The following MAF variants were observed in gnomAD, a reference collection of about 807,000 sequenced individuals.
The protein encoded by MAF is MAF bZIP transcription factor.
In MAF, 10 loss-of-function variants were observed where a neutral mutation model predicts 22.0. The observed-to-expected ratio is 0.45, with a 90% confidence interval of 0.28 to 0.77. The LOEUF (loss-of-function observed/expected upper bound fraction) is 0.77. Among genes scored for constraint, MAF ranks in the 30% least tolerant of loss-of-function variants. The probability of loss-of-function intolerance (pLI) is 0.12; values close to 1 mark genes in which losing one functional copy is unlikely to be tolerated. For missense variants in MAF, 544 were observed against 548.4 expected (o/e 0.99, Z 0.08); for synonymous variants, 337 against 255.8 (o/e 1.32, Z -3.03).
the MAF span, among the ~76,000 whole-genome samples, chr16:79,233,583 G>C: frequency 3.9e-5 from 6 of 152,212 alleles, no homozygotes; most frequent in Non-Finnish European, 7.4e-5. Context: ...CAAGTACTGT[G>C]GGAACAGAGA....
the MAF span, among the ~76,000 whole-genome samples, chr16:79,558,243 A>G: frequency 1.3e-5 from 2 of 152,088 alleles, no homozygotes; most frequent in Non-Finnish European, 2.9e-5. Context: ...TTTATACTTG[A>G]GCTATGCCAT....
chr16:79,277,906 G>A, the MAF span, among the ~76,000 whole-genome samples: 25 of 152,156 alleles, frequency 1.6e-4, 1 homozygote, highest in African/African-American at 4.6e-4. Flanking sequence ...CACTACACTT[G>A]GGAATTGGCT....
chr16:79,284,036 C>G, the MAF span, among the ~76,000 whole-genome samples: 1 of 148,448 alleles, frequency 6.7e-6, no homozygotes, highest in African/African-American at 2.5e-5. Flanking sequence ...CCTTTTAGCA[C>G]AAATTTACAC....
At chr16:79,511,678 T>C in the MAF span, among the ~76,000 whole-genome samples, 3 of 152,194 alleles carry the variant, frequency 2.0e-5, no homozygotes, top group African/African-American at 7.2e-5. Flanking sequence ...TATTGAGTGC[T>C]CACCAATCGG....
chr16:79,454,927 T>C, the MAF span, among the ~76,000 whole-genome samples: 48 of 152,014 alleles, frequency 3.2e-4, no homozygotes, highest in South Asian at 9.8e-3. Flanking sequence ...AGAAACCCCA[T>C]CTTTACTAAA....
At chr16:79,479,618 C>G in the MAF span, among the ~76,000 whole-genome samples, 1,040 of 152,320 alleles carry the variant, frequency 6.8e-3, 14 homozygotes, top group African/African-American at 0.024. Flanking sequence ...TTGCCTGTAT[C>G]TGAAGGGTAA....
At chr16:79,554,025 T>G in the MAF span, among the ~76,000 whole-genome samples, 3 of 151,572 alleles carry the variant, frequency 2.0e-5, no homozygotes, top group East Asian at 5.8e-4. Context: ...GGAGGCAGAG[T>G]TTGCAGTGAG....
chr16:79,212,662 A>G, the MAF span: 54 of 148,616 alleles, frequency 3.6e-4, no homozygotes, highest in Non-Finnish European at 7.2e-4. Flanking sequence ...ACATGCTTGA[A>G]TATCATCACC....
At chr16:79,248,705 T>G in the MAF span, among the ~76,000 whole-genome samples, 2 of 152,144 alleles carry the variant, frequency 1.3e-5, 1 homozygote, top group Admixed American at 1.3e-4. Flanking sequence ...ATTTTAGCTC[T>G]GGGAACATGG....
the MAF span, among the ~76,000 whole-genome samples, chr16:79,409,794 C>T: frequency 6.6e-6 from 1 of 152,208 alleles, no homozygotes; most frequent in Non-Finnish European, 1.5e-5. Flanking sequence ...CAGTGCTGTT[C>T]AGTGGATCTT....
chr16:79,239,588 G>T, the MAF span, among the ~76,000 whole-genome samples: 1 of 151,984 alleles, frequency 6.6e-6, no homozygotes, highest in Non-Finnish European at 1.5e-5. Context: ...GGCATTTCTG[G>T]ACCATTTTGC....
chr16:79,217,539 C>T, the MAF span, among the ~76,000 whole-genome samples: 1 of 152,202 alleles, frequency 6.6e-6, no homozygotes, highest in African/African-American at 2.4e-5. Flanking sequence ...TCAATAGGCC[C>T]TCTCTCCTGT....
chr16:79,444,283 G>C, the MAF span, among the ~76,000 whole-genome samples: 2 of 152,118 alleles, frequency 1.3e-5, no homozygotes, highest in Non-Finnish European at 2.9e-5. Flanking sequence ...TAGGAGTATG[G>C]ACAATGCTAA....
chr16:79,429,406 G>C, the MAF span, among the ~76,000 whole-genome samples: 1 of 152,126 alleles, frequency 6.6e-6, no homozygotes, highest in African/African-American at 2.4e-5. Context: ...CTTCATCTAC[G>C]CAGCGTTTTC....
the MAF span, among the ~76,000 whole-genome samples, chr16:79,381,856 G>C: frequency 6.6e-6 from 1 of 152,184 alleles, no homozygotes; most frequent in Non-Finnish European, 1.5e-5. Flanking sequence ...TGAACTCAGA[G>C]CTCTTGAACT....
At chr16:79,471,655 C>T in the MAF span, among the ~76,000 whole-genome samples, 1 of 152,234 alleles carries the variant, frequency 6.6e-6, no homozygotes, top group East Asian at 1.9e-4. Flanking sequence ...CCAGCCTGGG[C>T]ATCACGGCAA....
chr16:79,581,618 C>A (rs1239469841), downstream of MAF, among the ~76,000 whole-genome samples: 1 of 152,206 alleles, frequency 6.6e-6, no homozygotes, highest in African/African-American at 2.4e-5. Flanking sequence ...AATGAACTTA[C>A]TGTGCTTTTC....
chr16:79,418,276 T>G, the MAF span, among the ~76,000 whole-genome samples: 1 of 152,056 alleles, frequency 6.6e-6, no homozygotes, highest in Non-Finnish European at 1.5e-5. Context: ...AAATAGGCAT[T>G]TCTCATTATC....
At chr16:79,376,521 A>T in the MAF span, among the ~76,000 whole-genome samples, 5 of 151,312 alleles carry the variant, frequency 3.3e-5, no homozygotes, top group South Asian at 2.1e-4. Flanking sequence ...ATTTTATTTT[A>T]TTTTTTTTCT....
Sources: gnomAD v4.1 joint callset for allele counts (sites outside exome capture counted in the v4.1 genomes callset) on GRCh38, gnomAD v4.1.1 for gene constraint, MANE v1.5 for transcripts, NCBI Gene and HGNC (gene_info 2026-07-23, HGNC 2026-07-21) for gene names.